Variants in SEMA5A observed in about 807,000 individuals in gnomAD.
SEMA5A encodes the protein semaphorin-5A.
A neutral mutation model predicts 135.5 loss-of-function variants in SEMA5A; 55 were observed. The ratio of observed to expected loss-of-function variants is 0.41; its 90% CI spans 0.33 to 0.51. SEMA5A has a LOEUF of 0.51. Among genes scored for constraint, SEMA5A ranks in the 20% least tolerant of loss-of-function variants. The pLI is 0.37. For synonymous variants in SEMA5A, 580 were observed against 546.5 expected (o/e 1.06, Z -0.85); for missense variants, 1,290 against 1,419.9 (o/e 0.91, Z 1.47).
intron 2 of SEMA5A, among the ~76,000 whole-genome samples, chr5:9,416,620 C>T (rs1757292562): frequency 6.6e-6 from 1 of 152,188 alleles, no homozygotes. Flanking sequence ...AAGACCTGGA[C>T]TTCACAGATT....
At chr5:9,092,230 G>T (rs1739074068) in intron 16 of SEMA5A, among the ~76,000 whole-genome samples, 1 of 152,338 alleles carries the variant, frequency 6.6e-6, no homozygotes, top group African/African-American at 2.4e-5. Context: ...ATGTGCATGA[G>T]GTGCAGCATG....
At chr5:9,243,388 C>T (rs1215153693) in intron 5 of SEMA5A, among the ~76,000 whole-genome samples, 1 of 152,154 alleles carries the variant, frequency 6.6e-6, no homozygotes, top group East Asian at 1.9e-4. Context: ...TGGATTAAGG[C>T]CCACTGTATT....
At chr5:9,044,232 A>T in intron 22 of SEMA5A, 141 bp downstream of exon 22, 2 of 715,410 alleles carry the variant, frequency 2.8e-6, no homozygotes, top group Non-Finnish European at 4.8e-6. Flanking sequence ...AGTCGTAAGG[A>T]CTAAAGATGT....
intron 1 of SEMA5A, among the ~76,000 whole-genome samples, chr5:9,493,893 ATTTGTTTC>A (rs1233377557): frequency 5.3e-5 from 8 of 152,220 alleles, no homozygotes; most frequent in African/African-American, 1.4e-4. Flanking sequence ...ATCTGTTTGA[ATTTGTTTC>A]TTAATATGCT....
At chr5:9,516,048 G>T (rs999696717) in intron 1 of SEMA5A, among the ~76,000 whole-genome samples, 2 of 152,106 alleles carry the variant, frequency 1.3e-5, no homozygotes, top group Non-Finnish European at 2.9e-5. Context: ...CATAGCCCAG[G>T]TACCATGTGC....
chr5:9,297,166 A>G lies in SEMA5A; in HGVS notation c.270+21206T>C, dbSNP rs867955611. ...AAATTCAACCTAAAAAAATACATAT[A>G]TATATACATATACATATGTATATAC... On this transcript the variant is annotated intron_variant, in intron 5 of 22. Coordinates refer to ENST00000382496, the MANE Select transcript of SEMA5A (RefSeq NM_003966.3). Among the ~76,000 whole-genome samples the G allele has an allele frequency of 5.4e-5, 8 of 149,486 alleles. 1 individual carries two copies. The highest frequency in any genetic ancestry group is 1.0e-4 in the African/African-American group (4 of 38,990).
At chr5:9,329,756 G>C (rs935384129) in intron 4 of SEMA5A, among the ~76,000 whole-genome samples, 1 of 151,856 alleles carries the variant, frequency 6.6e-6, no homozygotes, top group Non-Finnish European at 1.5e-5. Flanking sequence ...ATTTATTTAC[G>C]GCTGTCCCTT....
At chr5:9,388,715 C>T (rs1273655425) in intron 2 of SEMA5A, among the ~76,000 whole-genome samples, 1 of 151,926 alleles carries the variant, frequency 6.6e-6, no homozygotes, top group Non-Finnish European at 1.5e-5. Context: ...CTGGCTAACA[C>T]AGTGAAACCC....
intron 5 of SEMA5A, among the ~76,000 whole-genome samples, chr5:9,254,152 C>T (rs895557709): frequency 6.6e-6 from 1 of 152,126 alleles, no homozygotes; most frequent in Non-Finnish European, 1.5e-5. Context: ...TAAATGTATT[C>T]AACTAATATT....
chr5:9,320,456 T>A (rs1354887599), intron 4 of SEMA5A, among the ~76,000 whole-genome samples: 1 of 152,116 alleles, frequency 6.6e-6, no homozygotes, highest in Non-Finnish European at 1.5e-5. Flanking sequence ...TGCCCCGTAA[T>A]CCCAGCACTG....
At chr5:9,430,333 A>G (rs1757813137) in intron 2 of SEMA5A, among the ~76,000 whole-genome samples, 1 of 152,214 alleles carries the variant, frequency 6.6e-6, no homozygotes, top group Admixed American at 6.5e-5. Flanking sequence ...GAGGTTAAAT[A>G]GGCAGTTGAA....
At chr5:9,133,568 A>G (rs893204795) in intron 13 of SEMA5A, among the ~76,000 whole-genome samples, 4 of 152,174 alleles carry the variant, frequency 2.6e-5, no homozygotes, top group Non-Finnish European at 4.4e-5. Flanking sequence ...TGAGAGCCAG[A>G]TATCACATCT....
rs1743454859 is a variant in SEMA5A, at chr5:9,164,082, T to TAA, written c.1274-9388_1274-9387insTT. Among the ~76,000 whole-genome samples, 2 of 20,388 alleles carry TAA rather than the reference T, an allele frequency of 9.8e-5. 1 individual carries two copies. The highest frequency in any genetic ancestry group is 2.4e-4 in the African/African-American group (2 of 8,268). The allele number at this position is 20,388 out of a possible 152,430, so 13.4% of individuals were successfully genotyped here. The stretch of plus-strand genomic sequence containing the variant: ...ATAAATATTTATATAATTTATATAA[T>TAA]TATAAATATATCATATAAATATTTA... On this transcript the variant is annotated intron_variant, in intron 11 of 22. Coordinates refer to ENST00000382496, the MANE Select transcript of SEMA5A (RefSeq NM_003966.3).
At chr5:9,463,180 T>A (rs1032411174) in intron 1 of SEMA5A, among the ~76,000 whole-genome samples, 1 of 152,144 alleles carries the variant, frequency 6.6e-6, no homozygotes, top group Non-Finnish European at 1.5e-5. Flanking sequence ...GGGAACCACC[T>A]AGTCTGAAGA....
chr5:9,439,278 TA>T (rs1373985062), intron 1 of SEMA5A, among the ~76,000 whole-genome samples: 1 of 152,196 alleles, frequency 6.6e-6, no homozygotes, highest in Non-Finnish European at 1.5e-5. Flanking sequence ...ACAACATCAC[TA>T]ATATCACCTT....
intron 1 of SEMA5A, among the ~76,000 whole-genome samples, chr5:9,512,345 C>T (rs905971948): frequency 3.3e-5 from 5 of 152,100 alleles, no homozygotes; most frequent in Admixed American, 6.6e-5. Context: ...ATACCTAACC[C>T]TTAGATCCTC....
intron 10 of SEMA5A, among the ~76,000 whole-genome samples, chr5:9,191,245 G>C (rs1378078982): frequency 6.6e-6 from 1 of 152,156 alleles, no homozygotes; most frequent in Non-Finnish European, 1.5e-5. Flanking sequence ...ATGAACCTGG[G>C]ATATGCAAGG....
intron 1 of SEMA5A, among the ~76,000 whole-genome samples, chr5:9,441,351 T>C (rs1172432471): frequency 6.6e-6 from 1 of 152,112 alleles, no homozygotes; most frequent in Non-Finnish European, 1.5e-5. Context: ...CAGTGAAGTA[T>C]GTTTTAGTGG....
chr5:9,229,273 T>G (rs1020562615), intron 6 of SEMA5A, among the ~76,000 whole-genome samples: 13 of 152,226 alleles, frequency 8.5e-5, no homozygotes, highest in African/African-American at 3.1e-4. Context: ...ACAGTGAATC[T>G]GGTAACTGAG....
Sources: gnomAD v4.1 joint callset for allele counts (sites outside exome capture counted in the v4.1 genomes callset) on GRCh38, gnomAD v4.1.1 for gene constraint, MANE v1.5 for transcripts, NCBI Gene and HGNC (gene_info 2026-07-23, HGNC 2026-07-21) for gene names.